SYNE1: variants seen among roughly 807,000 people sequenced by gnomAD.
SYNE1 encodes the protein nesprin-1.
In SYNE1, 616 loss-of-function variants were observed where a neutral mutation model predicts 1,111.0. The observed-to-expected ratio is 0.55, with a 90% CI of 0.52 to 0.59. The LOEUF is 0.59. Among genes scored for constraint, SYNE1 ranks in the 20% least tolerant of loss-of-function variants. The pLI, the probability that SYNE1 is intolerant of heterozygous loss-of-function variation, is 0.00. For synonymous variants in SYNE1, 3,855 were observed against 3,825.8 expected, an observed-to-expected ratio of 1.01 and a Z score of -0.28; for missense variants, 10,006 against 10,417.0, an observed-to-expected ratio of 0.96 and a Z score of 1.72.
At chr6:152,573,338 C>T (rs566235769) in intron 3 of SYNE1, among the ~76,000 whole-genome samples, 5 of 129,818 alleles carry the variant, frequency 3.9e-5, no homozygotes, top group Non-Finnish European at 6.4e-5. Context: ...CCCCTCCCCC[C>T]ACCCCACAAC....
At chr6:152,272,299 A>G (rs1216168020) in intron 98 of SYNE1, among the ~76,000 whole-genome samples, 3 of 152,158 alleles carry the variant, frequency 2.0e-5, no homozygotes, top group Admixed American at 2.0e-4. Context: ...GAGGTGTGAT[A>G]ACAGTTTTCT....
chr6:152,236,962 A>G lies in SYNE1; in HGVS notation c.20068-14T>C. On this transcript the variant is annotated splice_polypyrimidine_tract_variant and intron_variant, in intron 108 of 145. Coordinates refer to ENST00000367255, the MANE Select transcript of SYNE1 (RefSeq NM_182961.4). ...ATGGGACCACGTCTAGAAACACAAC[A>G]TGAGTCTGTGAGCTAAAAAAACCCT... The G allele has an allele frequency of 6.2e-7, 1 of 1,611,236 alleles. No homozygotes were observed. The highest frequency in any genetic ancestry group is 1.7e-5 in the Admixed American group (1 of 59,054).
chr6:152,156,104 G>A lies in SYNE1; in HGVS notation c.23791-7C>T, dbSNP rs375558499. On this transcript the variant is annotated splice_region_variant and splice_polypyrimidine_tract_variant and intron_variant, in intron 131 of 145. Coordinates refer to ENST00000367255, the MANE Select transcript of SYNE1 (RefSeq NM_182961.4). ...CTATGTCTCTCTGAAGCTCCTGCAGGGGAACGTAACAGGCTTTATTCAACA... is the reference window on the plus strand; with the variant it reads ...CTATGTCTCTCTGAAGCTCCTGCAGAGGAACGTAACAGGCTTTATTCAACA... The A allele has an allele frequency of 8.1e-5, 131 of 1,613,828 alleles. 1 individual carries two copies. Among genetic ancestry groups the A allele is most frequent in the Admixed American group, 3.8e-4 (23 of 59,974 alleles).
At chr6:152,257,230 A>T (rs1417075440) in intron 101 of SYNE1, among the ~76,000 whole-genome samples, 1 of 152,138 alleles carries the variant, frequency 6.6e-6, no homozygotes, top group African/African-American at 2.4e-5. Context: ...TACAAATATT[A>T]TATACAAATA....
At chr6:152,550,308 GTGTT>G (rs1201158814) in intron 3 of SYNE1, among the ~76,000 whole-genome samples, 1 of 152,076 alleles carries the variant, frequency 6.6e-6, no homozygotes, top group Non-Finnish European at 1.5e-5. Context: ...ATCTGATAGT[GTGTT>G]TGATTTATCT....
intron 64 of SYNE1, among the ~76,000 whole-genome samples, chr6:152,360,180 C>T (rs148821639): frequency 2.2e-4 from 34 of 152,234 alleles, no homozygotes; most frequent in Admixed American, 1.1e-3. Flanking sequence ...CCAATGCTGC[C>T]GGGATCAAGT....
At chr6:152,347,507 A>G (rs578237225) in intron 72 of SYNE1, among the ~76,000 whole-genome samples, 5 of 152,280 alleles carry the variant, frequency 3.3e-5, no homozygotes, top group African/African-American at 1.2e-4. Flanking sequence ...TCTCAGAGAG[A>G]TAATACTCCA....
chr6:152,239,462 C>A (rs1588491799), intron 108 of SYNE1, 71 bp downstream of exon 108: 1 of 1,586,420 alleles, frequency 6.3e-7, no homozygotes, highest in East Asian at 2.2e-5. Context: ...TGGATAGATA[C>A]ATCTTGCATT....
At chr6:152,589,358 A>C (rs1273966090) in intron 3 of SYNE1, among the ~76,000 whole-genome samples, 2 of 152,204 alleles carry the variant, frequency 1.3e-5, no homozygotes, top group East Asian at 3.8e-4. Context: ...TCTACCATGA[A>C]ATTTAATATA....
At chr6:152,558,374 T>C (rs1386792137) in intron 3 of SYNE1, among the ~76,000 whole-genome samples, 1 of 152,202 alleles carries the variant, frequency 6.6e-6, no homozygotes, top group Non-Finnish European at 1.5e-5. Flanking sequence ...GACTAAATTC[T>C]TTAATCAAAA....
Position 152,343,645 on chromosome 6 carries a change from C to T in SYNE1, c.12225+436G>A, listed in dbSNP as rs183017169. 4.6e-3 allele frequency among the ~76,000 whole-genome samples: 695 copies of T among 152,126 alleles called. 4 individuals carry two copies. Among genetic ancestry groups the T allele is most frequent in the African/African-American group, 0.016 (669 of 41,506 alleles). ...CCAGGTTCAAGCGATTCTCCTGCCT[C>T]AGCCTCCTCAGCCTCAGGCGGGTAG... On this transcript the variant is annotated intron_variant, in intron 74 of 145. Coordinates refer to ENST00000367255, the MANE Select transcript of SYNE1 (RefSeq NM_182961.4).
At chr6:152,313,391 T>C (rs1052474686) in intron 87 of SYNE1, among the ~76,000 whole-genome samples, 1 of 151,214 alleles carries the variant, frequency 6.6e-6, no homozygotes, top group Non-Finnish European at 1.5e-5. Flanking sequence ...ACCCAGCCCC[T>C]ATTCAGGCCC....
chr6:152,282,221 A>C (rs1333955568), intron 96 of SYNE1, among the ~76,000 whole-genome samples: 2 of 152,218 alleles, frequency 1.3e-5, no homozygotes, highest in African/African-American at 4.8e-5. Context: ...GAGTTGAACA[A>C]GGTATTCTCA....
rs2098101643 is a variant in SYNE1 at position 152,413,399 on chromosome 6, G to A, written c.6183C>T (p.Asn2061=). The A allele has an allele frequency of 1.2e-6, 2 of 1,614,096 alleles. No homozygotes were observed. The highest frequency in any genetic ancestry group is 4.5e-5 in the East Asian group (2 of 44,864). The change falls in exon 42 of 146, where the codon AAC becomes AAT. Residue 2061 remains asparagine, a synonymous_variant. Transcript: ENST00000367255. The stretch of plus-strand genomic sequence containing the variant: ...TATCATCCCAGGTGACCTCTAAGCG[G>A]TTTATCTCCCTGTCAACTTCAGGTG... The part of the protein sequence containing the change: ...AFAPEVDREI[N]RLEVTWDDTK...
At chr6:152,309,520 T>C (rs1163868832) in intron 90 of SYNE1, among the ~76,000 whole-genome samples, 4 of 152,190 alleles carry the variant, frequency 2.6e-5, no homozygotes, top group African/African-American at 9.6e-5. Flanking sequence ...TATTATCAGT[T>C]TGTAGATGAT....
At chr6:152,455,307 T>C in intron 24 of SYNE1, 119 bp downstream of exon 24, 1 of 1,124,312 alleles carries the variant, frequency 8.9e-7, no homozygotes, top group Non-Finnish European at 1.2e-6. Context: ...AAGTCTCTGC[T>C]TCCCTGACTC....
At chr6:152,338,571 TG>T (rs1165602556) in intron 75 of SYNE1, among the ~76,000 whole-genome samples, 1 of 152,154 alleles carries the variant, frequency 6.6e-6, no homozygotes. Context: ...CAGTCAGTGA[TG>T]ATAACGCCAC....
Position 152,149,514 on chromosome 6 carries a change from C to T in SYNE1, c.24605G>A (p.Arg8202His), listed in dbSNP as rs376102438. 1.7e-5 allele frequency: 28 copies of T among 1,614,072 alleles called. No homozygotes were observed. Among genetic ancestry groups the T allele is most frequent in the Middle Eastern group, 3.3e-4 (2 of 6,084 alleles). The change falls in exon 136 of 146, where the codon CGT becomes CAT. Residue 8202 changes from arginine (R) to histidine (H), a missense_variant. Transcript: ENST00000367255. ...CAGTTTCTTATGGTATCTTTCCACACGCCCGAAGACCTCCTGGCAGTACCG... is the reference window on the plus strand; with the variant it reads ...CAGTTTCTTATGGTATCTTTCCACATGCCCGAAGACCTCCTGGCAGTACCG... ...LRRYCQEVFG[R>H]VERYHKKLIR...
At chr6:152,191,933 G>A (rs1003252969) in intron 127 of SYNE1, among the ~76,000 whole-genome samples, 1 of 151,988 alleles carries the variant, frequency 6.6e-6, no homozygotes, top group African/African-American at 2.4e-5. Context: ...GTAGGTTTTG[G>A]TATGTTGTGT....
Sources: allele counts gnomAD v4.1 joint callset (sites outside exome capture counted in the v4.1 genomes callset), GRCh38; gene constraint gnomAD v4.1.1; transcripts MANE v1.5; gene names NCBI Gene and HGNC (gene_info 2026-07-23, HGNC 2026-07-21).